Variants in SH3RF3 observed in about 807,000 individuals in gnomAD.
The protein encoded by SH3RF3 is E3 ubiquitin-protein ligase SH3RF3.
A neutral mutation model predicts 66.3 loss-of-function variants in SH3RF3; 29 were observed. The observed-to-expected ratio is 0.44, with a 90% CI of 0.33 to 0.60. The LOEUF (loss-of-function observed/expected upper bound fraction) is 0.60, where lower values mean the gene tolerates loss of function less well. SH3RF3 is among the 20% of genes least tolerant of loss of function. The pLI, the probability that SH3RF3 is intolerant of heterozygous loss-of-function variation, is 0.04. For synonymous variants in SH3RF3, 583 were observed against 532.0 expected, an observed-to-expected ratio of 1.10 and a Z score of -1.32; for missense variants, 1,194 against 1,190.9, an observed-to-expected ratio of 1.00 and a Z score of -0.04.
At chr2:109,474,058 T>G (rs1678607187) in intron 8 of SH3RF3, among the ~76,000 whole-genome samples, 1 of 151,928 alleles carries the variant, frequency 6.6e-6, no homozygotes, top group Non-Finnish European at 1.5e-5. Context: ...CTCCTCACCT[T>G]TGGTTTGGGG....
chr2:109,382,411 C>T (rs560718314), intron 3 of SH3RF3, among the ~76,000 whole-genome samples: 1 of 152,252 alleles, frequency 6.6e-6, no homozygotes, highest in Non-Finnish European at 1.5e-5. Context: ...TGCGCCCAGC[C>T]CACTGGCCAC....
At chr2:109,135,476 A>G (rs1294777800) in intron 1 of SH3RF3, among the ~76,000 whole-genome samples, 1 of 152,176 alleles carries the variant, frequency 6.6e-6, no homozygotes, top group Non-Finnish European at 1.5e-5. Flanking sequence ...TAAATAGGAT[A>G]ACGTATGTGC....
intron 1 of SH3RF3, among the ~76,000 whole-genome samples, chr2:109,183,826 G>C (rs1678125215): frequency 6.6e-6 from 1 of 152,184 alleles, no homozygotes; most frequent in South Asian, 2.1e-4. Flanking sequence ...CCTGTCCAGG[G>C]GCCCCTGCCA....
chr2:109,230,801 GTGTT>G (rs1161721353), intron 1 of SH3RF3, among the ~76,000 whole-genome samples: 1 of 152,216 alleles, frequency 6.6e-6, no homozygotes, highest in Non-Finnish European at 1.5e-5. Flanking sequence ...TGGAGCATCT[GTGTT>G]TGTTTCTAGA....
chr2:109,304,470 T>C (rs1478811600), intron 1 of SH3RF3, among the ~76,000 whole-genome samples: 1 of 152,132 alleles, frequency 6.6e-6, no homozygotes, highest in Non-Finnish European at 1.5e-5. Context: ...AGGGGTTCCT[T>C]GTTCCCTGTC....
intron 5 of SH3RF3, among the ~76,000 whole-genome samples, chr2:109,427,593 TC>T (rs1436524950): frequency 6.6e-6 from 1 of 151,820 alleles, no homozygotes; most frequent in Non-Finnish European, 1.5e-5. Context: ...ACTTCGGGAG[TC>T]CCTGCACACT....
chr2:109,399,927 G>A (rs1467405094), intron 4 of SH3RF3, among the ~76,000 whole-genome samples: 1 of 152,190 alleles, frequency 6.6e-6, no homozygotes, highest in Non-Finnish European at 1.5e-5. Flanking sequence ...ATTTCTCCCT[G>A]CGCTGCAGCC....
At chr2:109,387,168 G>A (rs566399684) in intron 3 of SH3RF3, among the ~76,000 whole-genome samples, 91 of 152,148 alleles carry the variant, frequency 6.0e-4, no homozygotes, top group Non-Finnish European at 4.9e-4. Context: ...ATATATTTTG[G>A]ACAAATTTGA....
At chr2:109,279,895 C>T (rs1271095027) in intron 1 of SH3RF3, among the ~76,000 whole-genome samples, 1 of 151,116 alleles carries the variant, frequency 6.6e-6, no homozygotes, top group Non-Finnish European at 1.5e-5. Context: ...TGAGAGAGGA[C>T]AAGGGATGAG....
intron 2 of SH3RF3, among the ~76,000 whole-genome samples, chr2:109,371,212 G>A (rs113042689): frequency 0.13 from 19,710 of 152,204 alleles, 1,432 homozygotes; most frequent in Middle Eastern, 0.24. Flanking sequence ...AACATGGCAA[G>A]ACACCATCTC....
intron 1 of SH3RF3, among the ~76,000 whole-genome samples, chr2:109,282,408 A>G (rs575154228): frequency 3.7e-4 from 56 of 152,258 alleles, no homozygotes; most frequent in African/African-American, 1.2e-3. Flanking sequence ...GGTGTGAAGT[A>G]ACTGGGAGAA....
At chr2:109,486,610 T>A (rs755348379) in intron 8 of SH3RF3, among the ~76,000 whole-genome samples, 38 of 152,160 alleles carry the variant, frequency 2.5e-4, no homozygotes, top group Non-Finnish European at 5.0e-4. Flanking sequence ...GCGAGGCAGA[T>A]GGTACCCTTC....
At chr2:109,326,268 GTTTT>G (rs1276783786) in intron 1 of SH3RF3, among the ~76,000 whole-genome samples, 3 of 152,110 alleles carry the variant, frequency 2.0e-5, no homozygotes, top group Non-Finnish European at 2.9e-5. Flanking sequence ...TCGCTCATTT[GTTTT>G]TTTATGTAGT....
chr2:109,188,635 C>T (rs1423339608), intron 1 of SH3RF3, among the ~76,000 whole-genome samples: 2 of 152,170 alleles, frequency 1.3e-5, no homozygotes, highest in African/African-American at 4.8e-5. Context: ...CAGTCATCCA[C>T]CTGGGCTGCA....
intron 1 of SH3RF3, among the ~76,000 whole-genome samples, chr2:109,211,200 T>G (rs114948805): frequency 0.034 from 5,187 of 152,268 alleles, 266 homozygotes; most frequent in African/African-American, 0.11. Flanking sequence ...TGGGGGCTGC[T>G]CCTTGGCTGG....
intron 2 of SH3RF3, among the ~76,000 whole-genome samples, chr2:109,358,582 T>C (rs576276292): frequency 5.3e-5 from 8 of 152,342 alleles, no homozygotes; most frequent in African/African-American, 1.9e-4. Flanking sequence ...CTGTCTTCTT[T>C]GGTGAAGTGT....
At chr2:109,190,448 A>G (rs1407971318) in intron 1 of SH3RF3, among the ~76,000 whole-genome samples, 2 of 152,368 alleles carry the variant, frequency 1.3e-5, no homozygotes, top group East Asian at 1.9e-4. Flanking sequence ...TGCTGGGGTT[A>G]TAGGCGTGAG....
intron 1 of SH3RF3, among the ~76,000 whole-genome samples, chr2:109,332,792 G>A (rs989577014): frequency 1.3e-5 from 2 of 152,214 alleles, no homozygotes; most frequent in Non-Finnish European, 2.9e-5. Flanking sequence ...TGGGTGGTGA[G>A]AAATAGGACT....
At chr2:109,133,869 G>A (rs1418604532) in intron 1 of SH3RF3, among the ~76,000 whole-genome samples, 1 of 152,162 alleles carries the variant, frequency 6.6e-6, no homozygotes, top group Non-Finnish European at 1.5e-5. Context: ...GGCTTCCCCA[G>A]GCAGGAGTGG....
Sources: gnomAD v4.1 joint callset for allele counts (sites outside exome capture counted in the v4.1 genomes callset) on GRCh38, gnomAD v4.1.1 for gene constraint, MANE v1.5 for transcripts, NCBI Gene and HGNC (gene_info 2026-07-23, HGNC 2026-07-21) for gene names.